The following PJA2 variants were observed in gnomAD, a reference collection of about 807,000 sequenced individuals.
PJA2 encodes E3 ubiquitin-protein ligase Praja-2.
PJA2 carries 25 observed loss-of-function variants against 69.3 expected under a neutral mutation model. The observed-to-expected ratio is 0.36, with a 90% CI of 0.26 to 0.50. PJA2 has a LOEUF of 0.50. PJA2 is among the 20% of genes least tolerant of loss of function. The pLI is 0.96. For synonymous variants in PJA2, 308 were observed against 277.8 expected, an observed-to-expected ratio of 1.11 and a Z score of -1.08; for missense variants, 809 against 830.2, an observed-to-expected ratio of 0.97 and a Z score of 0.31.
chr5:109,364,431 G>A (rs574303718), intron 5 of PJA2, among the ~76,000 whole-genome samples: 7 of 151,632 alleles, frequency 4.6e-5, no homozygotes, highest in East Asian at 1.9e-4. Flanking sequence ...AGACCATCCC[G>A]GCTAAAACGG....
Position 109,343,650 on chromosome 5 carries a change from ATGT to A in PJA2, c.2001+537_2001+539del, listed in dbSNP as rs551841164. Among the ~76,000 whole-genome samples the A allele has an allele frequency of 6.6e-5, 10 of 152,352 alleles. No homozygotes were observed. In the South Asian group the frequency reaches 8.3e-4, roughly 13 times the overall value. On this transcript the variant is annotated intron_variant, in intron 9 of 9. Transcript: ENST00000361189. The stretch of plus-strand genomic sequence containing the variant: ...ATCACTTCCTAAAATGATTAAAAAC[ATGT>A]TGTTATTATTGTCTATATTTTTAGA...
At chr5:109,385,293 T>C (rs903185003) in intron 1 of PJA2, among the ~76,000 whole-genome samples, 32 of 152,170 alleles carry the variant, frequency 2.1e-4, no homozygotes, top group Non-Finnish European at 3.5e-4. Context: ...TAAGAGATCA[T>C]AGTGGTTTGG....
intron 7 of PJA2, among the ~76,000 whole-genome samples, chr5:109,354,321 A>G (rs1017399609): frequency 1.1e-4 from 16 of 145,472 alleles, no homozygotes; most frequent in Non-Finnish European, 3.0e-5. Context: ...TAGATTAGAT[A>G]TCTATGATAT....
intron 7 of PJA2, among the ~76,000 whole-genome samples, chr5:109,355,530 A>G (rs1227061577): frequency 1.3e-5 from 2 of 152,218 alleles, no homozygotes; most frequent in Non-Finnish European, 2.9e-5. Flanking sequence ...GCCAGATAGT[A>G]TTTAGAAGCC....
At chr5:109,409,552 G>A (rs1048948773) in intron 1 of PJA2, among the ~76,000 whole-genome samples, 2 of 152,088 alleles carry the variant, frequency 1.3e-5, no homozygotes, top group Admixed American at 6.5e-5. Context: ...CGGCAGCGAA[G>A]ACCCCGATAC....
In PJA2 at chr5:109,335,165, G is replaced by C. The variant is rs1220252575; in HGVS notation, c.*2066C>G. The C allele has an allele frequency of 6.6e-6, 1 of 152,522 alleles. No individual in the cohort carries two copies. The highest frequency in any genetic ancestry group is 1.5e-5 in the Non-Finnish European group (1 of 68,008). 9.4% of individuals were successfully genotyped at this position (152,522 alleles called of 1,614,324 possible). On this transcript the variant is annotated 3_prime_UTR_variant, in exon 10 of 10. Transcript: ENST00000361189. The stretch of plus-strand genomic sequence containing the variant: ...CTTGCCAGCCTTAGCTTATACCAGA[G>C]CTTGTTACCATGAAAATCCTAAAAC...
chr5:109,373,809 T>C (rs1416305516), intron 4 of PJA2, among the ~76,000 whole-genome samples: 2 of 152,198 alleles, frequency 1.3e-5, no homozygotes, highest in African/African-American at 2.4e-5. Flanking sequence ...ACACATTCAA[T>C]TGTGAACTAA....
chr5:109,382,174 G>C (rs1232932562), intron 2 of PJA2, among the ~76,000 whole-genome samples: 2 of 151,996 alleles, frequency 1.3e-5, no homozygotes, highest in African/African-American at 4.8e-5. Flanking sequence ...AAGATAACAA[G>C]TAACCTCTTT....
intron 5 of PJA2, 152 bp from the exon 6 acceptor site, chr5:109,363,174 A>T (rs1762529260): frequency 8.4e-6 from 5 of 597,104 alleles, no homozygotes; most frequent in Non-Finnish European, 1.3e-5. Context: ...TAACTGCAGA[A>T]TTATGTAAAA....
Position 109,409,971 on chromosome 5 carries a change from C to T in PJA2, c.-217G>A. The T allele has an allele frequency of 1.3e-4, 28 of 216,090 alleles. No homozygotes were observed. The highest frequency in any genetic ancestry group is 2.0e-4 in the Non-Finnish European group (22 of 109,912). 13.4% of individuals were successfully genotyped at this position (216,090 alleles called of 1,614,324 possible). ...CTGGCGGCTGTGGCGGCGGCGGCGG[C>T]GGTGGCGGCGGCGGAAGCAGAGGCG... On this transcript the variant is annotated 5_prime_UTR_variant, in exon 1 of 10. Coordinates refer to ENST00000361189, the MANE Select transcript of PJA2 (RefSeq NM_014819.5).
At chr5:109,380,774 C>T (rs970198365) in intron 3 of PJA2, among the ~76,000 whole-genome samples, 40 of 137,934 alleles carry the variant, frequency 2.9e-4, no homozygotes, top group Non-Finnish European at 3.4e-4. Context: ...CACTGCACAC[C>T]AGCCTGGATG....
At chr5:109,388,313 C>A (rs1360952472) in intron 1 of PJA2, among the ~76,000 whole-genome samples, 3 of 152,104 alleles carry the variant, frequency 2.0e-5, no homozygotes, top group African/African-American at 4.8e-5. Flanking sequence ...AAGGGTAATG[C>A]CCTAGTGCAT....
At chr5:109,393,286 T>C (rs1747321981) in intron 1 of PJA2, among the ~76,000 whole-genome samples, 1 of 152,178 alleles carries the variant, frequency 6.6e-6, no homozygotes. Context: ...CAAGTTATCA[T>C]TACACACCGG....
At chr5:109,398,082 C>G (rs943303590) in intron 1 of PJA2, among the ~76,000 whole-genome samples, 4 of 152,152 alleles carry the variant, frequency 2.6e-5, no homozygotes, top group Non-Finnish European at 5.9e-5. Context: ...CAGAGAAATG[C>G]AAATCAAAAT....
chr5:109,386,096 C>T (rs1274847513), intron 1 of PJA2, among the ~76,000 whole-genome samples: 1 of 151,458 alleles, frequency 6.6e-6, no homozygotes, highest in East Asian at 1.9e-4. Flanking sequence ...CAAGCAATCA[C>T]CTGAGGTCAG....
intron 1 of PJA2, among the ~76,000 whole-genome samples, chr5:109,394,006 A>AG (rs1747345091): frequency 6.6e-6 from 1 of 150,484 alleles, no homozygotes; most frequent in African/African-American, 2.4e-5. Context: ...AAGGTATTAT[A>AG]GCAGAAGGAT....
intron 6 of PJA2, among the ~76,000 whole-genome samples, chr5:109,359,411 G>T (rs1378714415): frequency 6.6e-6 from 1 of 152,116 alleles, no homozygotes; most frequent in East Asian, 1.9e-4. Context: ...TGTATTAAAG[G>T]ATAAATGACA....
intron 4 of PJA2, 87 bp from the exon 5 acceptor site, chr5:109,368,833 C>CTG: frequency 7.4e-7 from 1 of 1,347,146 alleles, no homozygotes; most frequent in Non-Finnish European, 1.0e-6. Context: ...TGGTTTGGAT[C>CTG]TGTGTCCCCA....
At chr5:109,407,146 A>G (rs1258724910) in intron 1 of PJA2, among the ~76,000 whole-genome samples, 1 of 152,204 alleles carries the variant, frequency 6.6e-6, no homozygotes, top group Non-Finnish European at 1.5e-5. Context: ...CACAGAGCAC[A>G]TATTTGTCAA....
Sources: gnomAD v4.1 joint callset for allele counts (sites outside exome capture counted in the v4.1 genomes callset) on GRCh38, gnomAD v4.1.1 for gene constraint, MANE v1.5 for transcripts, NCBI Gene and HGNC (gene_info 2026-07-23, HGNC 2026-07-21) for gene names.